OTUD7A: variants seen among roughly 807,000 people sequenced by gnomAD.
OTUD7A encodes the protein OTU domain-containing protein 7A.
A neutral mutation model predicts 65.7 loss-of-function variants in OTUD7A; 12 were observed. That is an observed-to-expected ratio of 0.18 (90% CI 0.12 to 0.30). The LOEUF (loss-of-function observed/expected upper bound fraction) is 0.30. Ranked by LOEUF, OTUD7A falls within the 10% of genes least tolerant of loss-of-function variation. The probability of loss-of-function intolerance (pLI) is 1.00; values close to 1 mark genes in which losing one functional copy is unlikely to be tolerated. For synonymous variants in OTUD7A, 641 were observed against 586.3 expected (o/e 1.09, Z -1.35); for missense variants, 1,148 against 1,304.8 (o/e 0.88, Z 1.85).
chr15:31,660,194 G>A (rs1298313117), intron 1 of OTUD7A, among the ~76,000 whole-genome samples: 4 of 152,228 alleles, frequency 2.6e-5, no homozygotes, highest in Non-Finnish European at 4.4e-5. Context: ...TCAGGCATGC[G>A]TTCATCTTGT....
intron 3 of OTUD7A, among the ~76,000 whole-genome samples, chr15:31,631,936 C>G (rs562270907): frequency 5.3e-5 from 8 of 152,244 alleles, no homozygotes; most frequent in Non-Finnish European, 1.2e-4. Flanking sequence ...GCTTTCAGCT[C>G]CATCAGCTCC....
chr15:31,668,710 G>A (rs1393618347), intron 1 of OTUD7A, among the ~76,000 whole-genome samples: 9 of 152,122 alleles, frequency 5.9e-5, no homozygotes, highest in African/African-American at 2.2e-4. Context: ...ATTTTTTGGG[G>A]GGTGTTAAAG....
In OTUD7A at chr15:31,739,066, G is replaced by T. The variant is rs137998252; in HGVS notation, c.-99-81989C>A. ...TGAAAGCACACATTTCTGGGGAGCA[G>T]CCCAGACTTGTCACAGAGAAATTTC... On this transcript the variant is annotated intron_variant, in intron 1 of 12. Coordinates refer to ENST00000307050, the MANE Select transcript of OTUD7A (RefSeq NM_001382637.1). 2.2e-4 allele frequency among the ~76,000 whole-genome samples: 34 copies of T among 152,248 alleles called. No individual in the cohort carries two copies. In the East Asian group the frequency reaches 6.6e-3, roughly 29 times the overall value.
chr15:31,606,758 T>G (rs1318114994), intron 3 of OTUD7A, among the ~76,000 whole-genome samples: 1 of 152,230 alleles, frequency 6.6e-6, no homozygotes, highest in East Asian at 1.9e-4. Flanking sequence ...ATGGGTAATA[T>G]TTACAAACAC....
chr15:31,567,416 T>G (rs775942793), intron 4 of OTUD7A, among the ~76,000 whole-genome samples: 1 of 152,212 alleles, frequency 6.6e-6, no homozygotes, highest in Admixed American at 6.5e-5. Flanking sequence ...TGCATTCAGA[T>G]GCTGCAGCAA....
chr15:31,812,749 G>A (rs528982367), intron 1 of OTUD7A, among the ~76,000 whole-genome samples: 51 of 152,230 alleles, frequency 3.4e-4, no homozygotes, highest in African/African-American at 1.2e-3. Flanking sequence ...GAATGTCCCC[G>A]AGTACATGGT....
chr15:31,546,680 T>C (rs1355072447), intron 5 of OTUD7A, among the ~76,000 whole-genome samples: 1 of 152,260 alleles, frequency 6.6e-6, no homozygotes, highest in Non-Finnish European at 1.5e-5. Context: ...TGGTCTATGG[T>C]ATTTTGTTAT....
At chr15:31,724,890 C>A (rs992263890) in intron 1 of OTUD7A, among the ~76,000 whole-genome samples, 1 of 151,548 alleles carries the variant, frequency 6.6e-6, no homozygotes, top group Non-Finnish European at 1.5e-5. Context: ...AAGAGAGGGG[C>A]AGGGGTGGGG....
intron 3 of OTUD7A, among the ~76,000 whole-genome samples, chr15:31,608,235 C>T (rs1364815729): frequency 6.6e-6 from 1 of 151,848 alleles, no homozygotes; most frequent in Non-Finnish European, 1.5e-5. Flanking sequence ...GACTGAGACT[C>T]CATCTCAAAG....
chr15:31,786,815 C>G (rs1431772225), intron 1 of OTUD7A, among the ~76,000 whole-genome samples: 2 of 152,094 alleles, frequency 1.3e-5, no homozygotes, highest in Non-Finnish European at 2.9e-5. Flanking sequence ...CGAAGCATCC[C>G]AGAGTTCTGA....
chr15:31,821,584 C>A (rs1162426197), intron 1 of OTUD7A, among the ~76,000 whole-genome samples: 1 of 152,046 alleles, frequency 6.6e-6, no homozygotes, highest in Non-Finnish European at 1.5e-5. Flanking sequence ...TGATAATAAA[C>A]ACTCATGTAC....
In OTUD7A at chr15:31,828,111, C is replaced by G. The variant is rs114950035; in HGVS notation, c.-100+42396G>C. Among the ~76,000 whole-genome samples, 1,066 of 152,198 alleles carry G rather than the reference C, an allele frequency of 7.0e-3. 15 individuals carry two copies. The highest frequency in any genetic ancestry group is 0.025 in the African/African-American group (1,026 of 41,508). On this transcript the variant is annotated intron_variant, in intron 1 of 12. Coordinates refer to ENST00000307050, the MANE Select transcript of OTUD7A (RefSeq NM_001382637.1). The stretch of plus-strand genomic sequence containing the variant: ...TTCCACTTTCCATCCTGAATTCTGT[C>G]AGCTTGGGCCCTACTTTCCTCCATC...
At chr15:31,851,196 G>T (rs922558002) in intron 1 of OTUD7A, among the ~76,000 whole-genome samples, 2 of 152,222 alleles carry the variant, frequency 1.3e-5, no homozygotes, top group Non-Finnish European at 2.9e-5. Context: ...AAGTGGATTT[G>T]ACATGGATTA....
In OTUD7A at chr15:31,840,454, A is replaced by T. The variant is rs1043409244; in HGVS notation, c.-100+30053T>A. Among the ~76,000 whole-genome samples, 7 of 152,130 alleles carry T rather than the reference A, an allele frequency of 4.6e-5. No homozygotes were observed. The South Asian group carries it at 1.0e-3, about 23-fold the overall frequency. On this transcript the variant is annotated intron_variant, in intron 1 of 12. Transcript: ENST00000307050. ...CTTCGTCTCAAAAATTAAAAAATAA[A>T]AATAAAAATAAAAAATAAAATTGAA...
At chr15:31,755,844 C>G (rs1199414858) in intron 1 of OTUD7A, among the ~76,000 whole-genome samples, 9 of 152,232 alleles carry the variant, frequency 5.9e-5, no homozygotes, top group Non-Finnish European at 1.2e-4. Flanking sequence ...TTGTTTTCCA[C>G]CCAGTGGCGG....
At chr15:31,775,704 G>C (rs1409512318) in intron 1 of OTUD7A, among the ~76,000 whole-genome samples, 1 of 152,114 alleles carries the variant, frequency 6.6e-6, no homozygotes, top group Non-Finnish European at 1.5e-5. Flanking sequence ...GTAGTTTAAG[G>C]GGAAAAGATT....
At chr15:31,495,516 G>A (rs1036466993) in intron 10 of OTUD7A, among the ~76,000 whole-genome samples, 5 of 152,082 alleles carry the variant, frequency 3.3e-5, no homozygotes, top group South Asian at 2.1e-4. Context: ...CCAGCTCCTC[G>A]GCCTCTCACC....
chr15:31,762,818 A>G (rs147223722), intron 1 of OTUD7A, among the ~76,000 whole-genome samples: 4 of 152,358 alleles, frequency 2.6e-5, no homozygotes, highest in African/African-American at 7.2e-5. Flanking sequence ...TAATATTCCA[A>G]ATGTCCAGGA....
intron 8 of OTUD7A, among the ~76,000 whole-genome samples, chr15:31,525,334 A>T (rs986928738): frequency 6.6e-6 from 1 of 152,252 alleles, no homozygotes; most frequent in African/African-American, 2.4e-5. Flanking sequence ...ACATAGCCTT[A>T]AAACACAGTG....
Sources: allele counts gnomAD v4.1 joint callset (sites outside exome capture counted in the v4.1 genomes callset), GRCh38; gene constraint gnomAD v4.1.1; transcripts MANE v1.5; gene names NCBI Gene and HGNC (gene_info 2026-07-23, HGNC 2026-07-21).